NBEAL1: variants seen among roughly 807,000 people sequenced by gnomAD.
NBEAL1 encodes the protein neurobeachin-like protein 1.
A neutral mutation model predicts 351.3 loss-of-function variants in NBEAL1; 273 were observed. The ratio of observed to expected loss-of-function variants is 0.78; its 90% CI spans 0.70 to 0.86. The LOEUF is 0.86. Among genes scored for constraint, NBEAL1 ranks in the 40% least tolerant of loss-of-function variants. NBEAL1 has a pLI of 0.00. For missense variants in NBEAL1, 2,961 were observed against 3,201.3 expected (o/e 0.92, Z 1.81); for synonymous variants, 1,050 against 1,086.4 (o/e 0.97, Z 0.66).
chr2:203,203,101 A>G (rs967435040), intron 51 of NBEAL1, among the ~76,000 whole-genome samples: 18 of 152,094 alleles, frequency 1.2e-4, no homozygotes, highest in African/African-American at 3.9e-4. Context: ...ATAGATTTAT[A>G]GTTTTCATCA....
rs780536067 is a variant in NBEAL1 at position 203,183,345 on chromosome 2, C to T, written c.6662C>T (p.Ala2221Val). The T allele has an allele frequency of 1.3e-6, 2 of 1,598,394 alleles. No individual in the cohort carries two copies. The highest frequency in any genetic ancestry group is 1.1e-5 in the South Asian group (1 of 87,726). Residue 2221 changes from alanine to valine, a missense_variant, in exon 44 of 56, where the codon GCT (alanine) becomes GTT (valine). Ala to Val is a moderately conservative substitution (Grantham distance 64). Coordinates refer to ENST00000683969, the MANE Select transcript of NBEAL1 (RefSeq NM_001378026.1). The part of the protein sequence containing the change: ...LVNDVILPKW[A>V]KSAEDFIYKH... Reference sequence around the variant, plus strand: ...AATGATGTCATTCTCCCGAAATGGGCTAAATCAGCTGAAGATTTCATCTAT... The same window carrying T: ...AATGATGTCATTCTCCCGAAATGGGTTAAATCAGCTGAAGATTTCATCTAT...
At chr2:203,169,572 A>G (rs777954787) in intron 38 of NBEAL1, among the ~76,000 whole-genome samples, 175 bp from the exon 39 acceptor site, 8 of 152,026 alleles carry the variant, frequency 5.3e-5, no homozygotes, top group African/African-American at 9.7e-5. Context: ...AGATCACACC[A>G]CTGCACTCCA....
At chr2:203,092,121 A>G (rs2062076881) in intron 10 of NBEAL1, among the ~76,000 whole-genome samples, 1 of 152,222 alleles carries the variant, frequency 6.6e-6, no homozygotes, top group Admixed American at 6.5e-5. Flanking sequence ...GGAACAGAAC[A>G]TTGTGTAAAA....
At chr2:203,056,800 T>C (rs2061410783) in intron 5 of NBEAL1, among the ~76,000 whole-genome samples, 2 of 152,238 alleles carry the variant, frequency 1.3e-5, no homozygotes, top group Non-Finnish European at 2.9e-5. Context: ...ACTCCTGACC[T>C]CAGGTGGTCT....
intron 46 of NBEAL1, among the ~76,000 whole-genome samples, chr2:203,191,753 T>G (rs1294337858): frequency 1.3e-5 from 2 of 152,220 alleles, no homozygotes; most frequent in Non-Finnish European, 2.9e-5. Context: ...TAGGATTATA[T>G]GCCTGACCAT....
intron 2 of NBEAL1, among the ~76,000 whole-genome samples, chr2:203,037,380 A>C (rs2061057742): frequency 6.7e-6 from 1 of 149,246 alleles, no homozygotes; most frequent in Non-Finnish European, 1.5e-5. Context: ...AAGGAAAAGA[A>C]TTGAGCATCA....
At chr2:203,064,667 A>G (rs1302035687) in intron 6 of NBEAL1, among the ~76,000 whole-genome samples, 1 of 152,214 alleles carries the variant, frequency 6.6e-6, no homozygotes, top group Non-Finnish European at 1.5e-5. Context: ...TTTCTTTAAA[A>G]ATATCACAAA....
At chr2:203,094,427 T>C (rs911141992) in intron 10 of NBEAL1, among the ~76,000 whole-genome samples, 7 of 152,366 alleles carry the variant, frequency 4.6e-5, no homozygotes, top group Admixed American at 1.3e-4. Context: ...GAATCCTTTA[T>C]GTTCTTTTTA....
At position 203,197,510 on chromosome 2, in the gene NBEAL1, T is replaced by G. The variant is rs559529281; in HGVS notation, c.7128+119T>G. 376 of 605,440 alleles carry G rather than the reference T, an allele frequency of 6.2e-4. 1 individual carries two copies. Among genetic ancestry groups the G allele is most frequent in the Non-Finnish European group, 1.0e-3 (353 of 347,086 alleles). The allele number at this position is 605,440 out of a possible 1,614,324, so 37.5% of individuals were successfully genotyped here. ...TTGGCTGTGCATGGTGGTTCATGCCTGTAATCCCAGCGCTTTGGGAGGTTG... is the reference window on the plus strand; with the variant it reads ...TTGGCTGTGCATGGTGGTTCATGCCGGTAATCCCAGCGCTTTGGGAGGTTG... On this transcript the variant is annotated intron_variant, in intron 48 of 55. Transcript: ENST00000683969.
At chr2:203,054,639 T>G (rs1410676982) in intron 4 of NBEAL1, among the ~76,000 whole-genome samples, 1 of 152,170 alleles carries the variant, frequency 6.6e-6, no homozygotes, top group Non-Finnish European at 1.5e-5. Flanking sequence ...TTGTTTCTTT[T>G]GATTTTCAAA....
intron 7 of NBEAL1, among the ~76,000 whole-genome samples, chr2:203,076,589 C>CTTTTTTT (rs369481909): frequency 1.8e-5 from 2 of 109,226 alleles, no homozygotes; most frequent in Non-Finnish European, 3.4e-5. Context: ...GTACTATGTA[C>CTTTTTTT]TTTTTTTTTT....
At chr2:203,028,230 C>T (rs1237818448) in intron 2 of NBEAL1, among the ~76,000 whole-genome samples, 2 of 151,236 alleles carry the variant, frequency 1.3e-5, no homozygotes, top group Non-Finnish European at 2.9e-5. Context: ...GTTGCCCAGG[C>T]TGATCTTGAA....
chr2:203,117,204 G>A (rs921270825), intron 18 of NBEAL1, among the ~76,000 whole-genome samples: 2 of 151,900 alleles, frequency 1.3e-5, no homozygotes, highest in Non-Finnish European at 1.5e-5. Context: ...AGTGGCTCAC[G>A]CTTTAATCCC....
chr2:203,106,262 T>C (rs1258276723), intron 12 of NBEAL1, among the ~76,000 whole-genome samples: 2 of 152,210 alleles, frequency 1.3e-5, no homozygotes, highest in Non-Finnish European at 2.9e-5. Context: ...CTAATATACT[T>C]TATGCCTCAC....
At chr2:203,117,386 T>C (rs536731034) in intron 18 of NBEAL1, among the ~76,000 whole-genome samples, 1 of 150,758 alleles carries the variant, frequency 6.6e-6, no homozygotes, top group Non-Finnish European at 1.5e-5. Flanking sequence ...TGGCACGAAC[T>C]GGGGAGGCGG....
In NBEAL1 at chr2:203,076,122, C is replaced by T. The variant is rs141576336; in HGVS notation, c.599-1630C>T. Among the ~76,000 whole-genome samples the T allele has an allele frequency of 7.0e-4, 106 of 152,210 alleles. 1 individual carries two copies. In the East Asian group the frequency reaches 7.1e-3, roughly 10 times the overall value. On this transcript the variant is annotated intron_variant, in intron 7 of 55. Coordinates refer to ENST00000683969, the MANE Select transcript of NBEAL1 (RefSeq NM_001378026.1). ...GAGAACTGGATAAGTGAAGTTAACA[C>T]ATTGTAGTGGTGTATGCCCTCTAGT...
At chr2:203,024,729 G>A (rs1385978500) in intron 2 of NBEAL1, among the ~76,000 whole-genome samples, 1 of 152,000 alleles carries the variant, frequency 6.6e-6, no homozygotes, top group East Asian at 1.9e-4. Flanking sequence ...GTGTATGGTG[G>A]TGCAGGCCTG....
chr2:203,218,166 A>T lies in NBEAL1; in HGVS notation c.*812A>T, dbSNP rs1487964089. The T allele has an allele frequency of 6.4e-6, 1 of 156,446 alleles. No homozygotes were observed. The highest frequency in any genetic ancestry group is 6.5e-5 in the Admixed American group (1 of 15,288). The allele number at this position is 156,446 out of a possible 1,614,324, so 9.7% of individuals were successfully genotyped here. ...CAAATACTGTTTTACTCTAATAATT[A>T]AGAGTTAGTAGTACCCAAATATGTT... On this transcript the variant is annotated 3_prime_UTR_variant, in exon 56 of 56. Transcript: ENST00000683969.
chr2:203,112,033 G>A lies in NBEAL1; in HGVS notation c.2137G>A (p.Val713Ile), dbSNP rs773727459. Residue 713 changes from valine (V) to isoleucine (I), a missense_variant, in exon 16 of 56, where the codon GTC (valine) becomes ATC (isoleucine). By Grantham distance (29) the Val-to-Ile change is conservative (BLOSUM62 3). Coordinates refer to ENST00000683969, the MANE Select transcript of NBEAL1 (RefSeq NM_001378026.1). ...AAAAAGGCCTTTTGGTCAGAGCTTC[G>A]TCTATATCTATGACAATGGACAACA... is the stretch of plus-strand genomic sequence containing the variant. ...PGKRPFGQSF[V>I]YIYDNGQQKV... is the part of the protein sequence containing the mutation. 1.1e-5 allele frequency: 17 copies of A among 1,552,180 alleles called. No homozygotes were observed. Among genetic ancestry groups the A allele is most frequent in the Middle Eastern group, 1.7e-4 (1 of 5,994 alleles).
Sources: gnomAD v4.1 joint callset for allele counts (sites outside exome capture counted in the v4.1 genomes callset) on GRCh38, gnomAD v4.1.1 for gene constraint, MANE v1.5 for transcripts, NCBI Gene and HGNC (gene_info 2026-07-23, HGNC 2026-07-21) for gene names.